Variants in SECISBP2L observed in about 807,000 individuals in gnomAD.
SECISBP2L encodes selenocysteine insertion sequence-binding protein 2-like.
SECISBP2L carries 43 observed loss-of-function variants against 114.7 expected under a neutral mutation model. That is an observed-to-expected ratio of 0.38 (90% CI 0.29 to 0.48). The LOEUF is 0.48. Among genes scored for constraint, SECISBP2L ranks in the 20% least tolerant of loss-of-function variants. The pLI is 0.98. For missense variants in SECISBP2L, 1,136 were observed against 1,301.1 expected (o/e 0.87, Z 1.95); for synonymous variants, 451 against 439.7 (o/e 1.03, Z -0.32).
intron 7 of SECISBP2L, among the ~76,000 whole-genome samples, chr15:49,020,291 G>A (rs1483858872): frequency 6.6e-6 from 1 of 151,200 alleles, no homozygotes. Context: ...ACTACAGCCT[G>A]AACACCTAGG....
At chr15:49,028,379 A>G in intron 5 of SECISBP2L, 74 bp downstream of exon 5, 1 of 1,389,060 alleles carries the variant, frequency 7.2e-7, no homozygotes, top group Non-Finnish European at 1.0e-6. Flanking sequence ...CAGATACTTA[A>G]GCTTTAGCAG....
chr15:49,038,654 G>A (rs1367985282), intron 1 of SECISBP2L, among the ~76,000 whole-genome samples: 1 of 151,956 alleles, frequency 6.6e-6, no homozygotes, highest in Non-Finnish European at 1.5e-5. Flanking sequence ...TCATCAAGCT[G>A]TACATTGGTT....
chr15:49,039,083 A>T (rs1903068540), intron 1 of SECISBP2L, among the ~76,000 whole-genome samples: 1 of 152,196 alleles, frequency 6.6e-6, no homozygotes, highest in Admixed American at 6.5e-5. Context: ...TTAAAAGGGA[A>T]GGGGTGGGGA....
At chr15:49,003,958 T>C (rs1733023066) in intron 14 of SECISBP2L, among the ~76,000 whole-genome samples, 2 of 152,232 alleles carry the variant, frequency 1.3e-5, no homozygotes, top group Admixed American at 6.5e-5. Context: ...CCTCATAAAA[T>C]GAGTTAGGTA....
chr15:48,991,398 G>A lies in SECISBP2L; in HGVS notation c.*846C>T, dbSNP rs1311669350. On this transcript the variant is annotated 3_prime_UTR_variant, in exon 18 of 18. Transcript: ENST00000559471. ...AGAGAACACACCAGTATAAGACTCT[G>A]TTTCTGAAGAGTTTACATGTAAGTG... The A allele has an allele frequency of 6.6e-6, 1 of 152,658 alleles. No homozygotes were observed. The highest frequency in any genetic ancestry group is 1.5e-5 in the Non-Finnish European group (1 of 68,050). The allele number at this position is 152,658 out of a possible 1,614,324, so 9.5% of individuals were successfully genotyped here.
At chr15:49,037,834 T>C in intron 1 of SECISBP2L, 65 bp from the exon 2 acceptor site, 1 of 1,402,432 alleles carries the variant, frequency 7.1e-7, no homozygotes, top group Non-Finnish European at 9.7e-7. Context: ...AATTCAAAAT[T>C]TAACAACAGA....
intron 1 of SECISBP2L, among the ~76,000 whole-genome samples, chr15:49,045,441 A>G (rs565051111): frequency 6.6e-6 from 1 of 152,212 alleles, no homozygotes; most frequent in East Asian, 1.9e-4. Context: ...GAGAGTGAAT[A>G]AACTTGGACT....
At position 49,037,626 on chromosome 15, in the gene SECISBP2L, A is replaced by T. The variant is rs143106959; in HGVS notation, c.168T>A (p.Thr56=). The T allele has an allele frequency of 8.0e-4, 1,283 of 1,613,820 alleles. 11 individuals are homozygous for T. The highest frequency in any genetic ancestry group is 7.8e-3 in the East Asian group (348 of 44,852). Residue 56 remains threonine, a synonymous_variant, in exon 2 of 18, where the codon ACT becomes ACA. Coordinates refer to ENST00000559471, the MANE Select transcript of SECISBP2L (RefSeq NM_001193489.2). ...EPTPIPSYLI[T]CYPFVQENQS... ...GGTTTTCCTGCACAAATGGGTAACA[A>T]GTAATCAGGTAGCTGGGAATTGGAG...
At chr15:49,043,520 A>C (rs1189289146) in intron 1 of SECISBP2L, among the ~76,000 whole-genome samples, 3 of 152,184 alleles carry the variant, frequency 2.0e-5, no homozygotes, top group African/African-American at 7.2e-5. Flanking sequence ...ACTTTAAAAA[A>C]TCTCAATAAA....
intron 12 of SECISBP2L, 34 bp from the exon 13 acceptor site, chr15:49,011,897 T>TTAC: frequency 6.2e-7 from 1 of 1,605,586 alleles, no homozygotes; most frequent in Non-Finnish European, 8.5e-7. Flanking sequence ...TAATTACAGA[T>TTAC]TACTCTTCAA....
At chr15:49,030,379 T>G (rs748148685) in intron 4 of SECISBP2L, among the ~76,000 whole-genome samples, 2 of 152,164 alleles carry the variant, frequency 1.3e-5, no homozygotes, top group African/African-American at 4.8e-5. Context: ...GAGGCTCCAT[T>G]TGGATACATT....
chr15:49,010,175 A>C (rs1902409806), intron 13 of SECISBP2L, among the ~76,000 whole-genome samples: 1 of 108,550 alleles, frequency 9.2e-6, no homozygotes, highest in Admixed American at 9.1e-5. Flanking sequence ...AGATCACATT[A>C]CTCACTTCTT....
intron 1 of SECISBP2L, among the ~76,000 whole-genome samples, chr15:49,040,852 C>T (rs529469217): frequency 6.6e-6 from 1 of 151,956 alleles, no homozygotes; most frequent in African/African-American, 2.4e-5. Flanking sequence ...CCAAACTATT[C>T]TTAAAAGTCC....
At chr15:49,019,582 C>A (rs763500746) in intron 7 of SECISBP2L, 30 bp from the exon 8 acceptor site, 1 of 1,421,868 alleles carries the variant, frequency 7.0e-7, no homozygotes, top group South Asian at 1.6e-5. Context: ...GAAAAAAAAT[C>A]TAATTATTTT....
chr15:49,025,113 T>C (rs1317715905), intron 7 of SECISBP2L, among the ~76,000 whole-genome samples: 1 of 152,226 alleles, frequency 6.6e-6, no homozygotes, highest in African/African-American at 2.4e-5. Flanking sequence ...AATTCATTTA[T>C]CTAATCTACA....
At chr15:49,012,360 C>G (rs1212807756) in intron 12 of SECISBP2L, among the ~76,000 whole-genome samples, 3 of 152,102 alleles carry the variant, frequency 2.0e-5, no homozygotes, top group Non-Finnish European at 2.9e-5. Context: ...ATACTGAAAT[C>G]CAGGGCTTCT....
chr15:49,005,257 G>T (rs1049723183), intron 14 of SECISBP2L, among the ~76,000 whole-genome samples: 18 of 152,156 alleles, frequency 1.2e-4, no homozygotes, highest in African/African-American at 4.3e-4. Context: ...TTGAACTCAG[G>T]AGGTGGAGGT....
chr15:49,016,692 A>G lies in SECISBP2L; in HGVS notation c.1429T>C (p.Ser477Pro). 6.3e-7 allele frequency: 1 copy of G among 1,578,990 alleles called. No homozygotes were observed. Among genetic ancestry groups the G allele is most frequent in the Non-Finnish European group, 8.6e-7 (1 of 1,167,896 alleles). The change falls in exon 11 of 18, where the codon TCA becomes CCA. Residue 477 changes from serine to proline, a missense_variant. This residue lies in a region of SECISBP2L where 684 missense variants were observed against 848.7 expected (regional missense o/e 0.81). Coordinates refer to ENST00000559471, the MANE Select transcript of SECISBP2L (RefSeq NM_001193489.2). ...MEQKKLQEAL[S>P]KAAGKKNKTP... is the part of the protein sequence containing the mutation. ...TTATTCTTTTTTCCAGCTGCTTTTG[A>G]TAAAGCTTCCTACAAAATAAATATA...
chr15:49,017,112 G>A (rs538717369), intron 9 of SECISBP2L, 97 bp from the exon 10 acceptor site: 44 of 1,157,228 alleles, frequency 3.8e-5, no homozygotes, highest in East Asian at 2.0e-4. Flanking sequence ...CAGTACAACC[G>A]GACTAGACTC....
Sources: gnomAD v4.1 joint callset for allele counts (sites outside exome capture counted in the v4.1 genomes callset) on GRCh38, gnomAD v4.1.1 for gene constraint, gnomAD v4.1.1 regional missense constraint, MANE v1.5 for transcripts, NCBI Gene and HGNC (gene_info 2026-07-23, HGNC 2026-07-21) for gene names.